The following ENTREP2 variants were observed in gnomAD, a reference collection of about 807,000 sequenced individuals.
ENTREP2 encodes endosomal transmembrane epsin interactor 2, also known as protein ENTREP2.
the ENTREP2 span, among the ~76,000 whole-genome samples, chr15:29,133,278 A>G: frequency 1.3e-5 from 2 of 152,128 alleles, no homozygotes; most frequent in African/African-American, 4.8e-5. Flanking sequence ...ATCCTGCGAG[A>G]GTGATCTACT....
chr15:29,247,367 A>T, the ENTREP2 span, among the ~76,000 whole-genome samples: 1 of 152,252 alleles, frequency 6.6e-6, no homozygotes. Context: ...GGCAAAAGAA[A>T]ATCAAAGTGC....
At chr15:29,602,412 TA>T in the ENTREP2 span, among the ~76,000 whole-genome samples, 1 of 152,266 alleles carries the variant, frequency 6.6e-6, no homozygotes, top group Non-Finnish European at 1.5e-5. Flanking sequence ...CTCTCTCTTT[TA>T]AAAAAATGTA....
the ENTREP2 span, among the ~76,000 whole-genome samples, chr15:29,125,885 G>C: frequency 6.6e-6 from 1 of 152,220 alleles, no homozygotes; most frequent in Non-Finnish European, 1.5e-5. Context: ...AAACGCACCT[G>C]TGTCTGCGTG....
At chr15:29,659,802 A>ATT in the ENTREP2 span, among the ~76,000 whole-genome samples, 12,734 of 147,160 alleles carry the variant, frequency 0.087, 835 homozygotes, top group African/African-American at 0.18. Context: ...ATGCCACTAT[A>ATT]TTTTTTTTTT....
At chr15:29,194,795 C>G in the ENTREP2 span, among the ~76,000 whole-genome samples, 1 of 152,176 alleles carries the variant, frequency 6.6e-6, no homozygotes, top group East Asian at 1.9e-4. Flanking sequence ...AAACCGGGTC[C>G]TGCATCCCAT....
At chr15:29,595,067 CAA>C in the ENTREP2 span, among the ~76,000 whole-genome samples, 44 of 86,586 alleles carry the variant, frequency 5.1e-4, no homozygotes, top group African/African-American at 2.1e-3. Context: ...GACTCCGTCT[CAA>C]AAAAAAAAAA....
the ENTREP2 span, chr15:29,122,224 G>C: frequency 6.6e-6 from 1 of 151,752 alleles, no homozygotes; most frequent in Non-Finnish European, 1.5e-5. Flanking sequence ...AGCTGCCACT[G>C]ATGCCACCAG....
the ENTREP2 span, among the ~76,000 whole-genome samples, chr15:29,621,739 C>T: frequency 1.3e-5 from 2 of 151,944 alleles, no homozygotes; most frequent in African/African-American, 4.8e-5. Context: ...AATAGAATTA[C>T]CATATGATCC....
the ENTREP2 span, among the ~76,000 whole-genome samples, chr15:29,656,562 A>G: frequency 6.6e-6 from 1 of 152,218 alleles, no homozygotes; most frequent in Non-Finnish European, 1.5e-5. Context: ...CTGATAGCAG[A>G]CAGAAACTTG....
the ENTREP2 span, among the ~76,000 whole-genome samples, chr15:29,221,827 CCA>C: frequency 3.3e-5 from 5 of 152,216 alleles, no homozygotes; most frequent in Non-Finnish European, 7.4e-5. Flanking sequence ...CGATTTTCCA[CCA>C]CAGAGACCCA....
the ENTREP2 span, chr15:29,137,152 T>C: frequency 1.4e-6 from 2 of 1,479,878 alleles, no homozygotes; most frequent in Admixed American, 2.8e-5. Context: ...CCGTGAGGAG[T>C]CACGCAGGTG....
At chr15:29,305,841 G>C in the ENTREP2 span, among the ~76,000 whole-genome samples, 1 of 152,194 alleles carries the variant, frequency 6.6e-6, no homozygotes, top group African/African-American at 2.4e-5. Flanking sequence ...TAAAGCCATG[G>C]GTCTGGTTGA....
the ENTREP2 span, among the ~76,000 whole-genome samples, chr15:29,185,109 C>G: frequency 2.1e-3 from 325 of 151,986 alleles, 1 homozygote; most frequent in Non-Finnish European, 2.2e-3. Context: ...TTAGCTAGTT[C>G]AACATACAGA....
At chr15:29,588,287 C>A in the ENTREP2 span, among the ~76,000 whole-genome samples, 151,918 of 152,166 alleles carry the variant, frequency 1, 75,837 homozygotes, top group Middle Eastern at 1. Flanking sequence ...CAAATGTCCT[C>A]GGCACTTCAG....
chr15:29,417,912 C>CA, the ENTREP2 span, among the ~76,000 whole-genome samples: 167 of 152,238 alleles, frequency 1.1e-3, 2 homozygotes, highest in Non-Finnish European at 4.7e-4. Context: ...ATCACACCAT[C>CA]AGTAGAGCTA....
chr15:29,385,752 T>G, the ENTREP2 span, among the ~76,000 whole-genome samples: 1 of 152,132 alleles, frequency 6.6e-6, no homozygotes, highest in Non-Finnish European at 1.5e-5. Flanking sequence ...CTCAGGCCTG[T>G]GCCCATGGAC....
At chr15:29,609,564 C>G in the ENTREP2 span, 1 of 149,838 alleles carries the variant, frequency 6.7e-6, no homozygotes, top group African/African-American at 2.4e-5. Context: ...AGGCCCTCAC[C>G]CCATACACAG....
chr15:29,478,675 C>A, the ENTREP2 span, among the ~76,000 whole-genome samples: 1 of 151,588 alleles, frequency 6.6e-6, no homozygotes, highest in Non-Finnish European at 1.5e-5. Context: ...GAGGCCGAGG[C>A]AGGAGGATCA....
the ENTREP2 span, among the ~76,000 whole-genome samples, chr15:29,431,400 A>G: frequency 6.6e-6 from 1 of 152,106 alleles, no homozygotes; most frequent in Admixed American, 6.6e-5. Context: ...AATCTTGTAC[A>G]ACTGTTAGAC....
Sources: allele counts gnomAD v4.1 joint callset (sites outside exome capture counted in the v4.1 genomes callset), GRCh38; gene constraint gnomAD v4.1.1; transcripts MANE v1.5; gene names NCBI Gene and HGNC (gene_info 2026-07-23, HGNC 2026-07-21).